Variants in CACNA2D3 observed in about 807,000 individuals in gnomAD.
CACNA2D3 encodes the protein voltage-dependent calcium channel subunit alpha-2/delta-3.
Under a neutral mutation model 160.6 loss-of-function variants are expected in CACNA2D3, and 60 were observed. That is an observed-to-expected ratio of 0.37 (90% CI 0.30 to 0.46). The LOEUF (loss-of-function observed/expected upper bound fraction) is 0.46. CACNA2D3 is among the 20% of genes least tolerant of loss of function. CACNA2D3 has a pLI of 1.00. For synonymous variants in CACNA2D3, 558 were observed against 492.9 expected, an observed-to-expected ratio of 1.13 and a Z score of -1.75; for missense variants, 1,205 against 1,365.0, an observed-to-expected ratio of 0.88 and a Z score of 1.85.
At chr3:54,669,861 C>T (rs1458715626) in intron 11 of CACNA2D3, among the ~76,000 whole-genome samples, 2 of 152,026 alleles carry the variant, frequency 1.3e-5, no homozygotes, top group Non-Finnish European at 2.9e-5. Context: ...TGTTCCCAGG[C>T]TGGTCTTGAA....
At chr3:54,148,473 G>A (rs1170873889) in intron 2 of CACNA2D3, among the ~76,000 whole-genome samples, 3 of 152,204 alleles carry the variant, frequency 2.0e-5, no homozygotes, top group African/African-American at 7.2e-5. Flanking sequence ...CCCACTGGAA[G>A]GCAGCTTGGA....
At chr3:54,937,733 C>G (rs111827646) in intron 27 of CACNA2D3, among the ~76,000 whole-genome samples, 1 of 151,828 alleles carries the variant, frequency 6.6e-6, no homozygotes, top group African/African-American at 2.4e-5. Flanking sequence ...GGGGAAGAGA[C>G]GAGGGCCATT....
At chr3:54,303,954 G>A (rs1216059467) in intron 2 of CACNA2D3, among the ~76,000 whole-genome samples, 1 of 151,796 alleles carries the variant, frequency 6.6e-6, no homozygotes, top group African/African-American at 2.4e-5. Context: ...TCAGCTACTG[G>A]AGGGACACTG....
At chr3:55,045,650 T>G (rs990623881) in intron 35 of CACNA2D3, among the ~76,000 whole-genome samples, 3 of 152,218 alleles carry the variant, frequency 2.0e-5, no homozygotes, top group Non-Finnish European at 2.9e-5. Context: ...ATTTCTTTAG[T>G]TCATCTAAGT....
rs1173029049 is a variant in CACNA2D3, at chr3:54,829,976, CCTCTGCCTCCCAGGTTCAAGCAATT to C, written c.1399-7171_1399-7147del. 7.7e-5 allele frequency among the ~76,000 whole-genome samples: 10 copies of C among 130,242 alleles called. No individual in the cohort carries two copies. In the East Asian group the frequency reaches 1.2e-3, roughly 16 times the overall value. 85.4% of individuals were successfully genotyped at this position (130,242 alleles called of 152,430 possible). A position where few individuals can be genotyped will look rare whatever the true frequency, so the allele number is the denominator to read the frequency against. On this transcript the variant is annotated intron_variant, in intron 14 of 37. Coordinates refer to ENST00000474759, the MANE Select transcript of CACNA2D3 (RefSeq NM_018398.3). ...GTGGCAAGATCTCAGGTCACTGCAA[CCTCTGCCTCCCAGGTTCAAGCAATT>C]CTCTGCCTCCCGGGTTCAAGCAATT...
rs532607646 is a variant in CACNA2D3 at position 54,601,375 on chromosome 3, T to G, written c.963+19498T>G. Among the ~76,000 whole-genome samples the G allele has an allele frequency of 9.2e-5, 14 of 152,204 alleles. 1 individual carries two copies. In the South Asian group the frequency reaches 2.5e-3, roughly 27 times the overall value. ...GGTGTTTGCCACCACTCCAGGGTAA[T>G]TTTTGGATTTTTTATAGAAACGGGG... On this transcript the variant is annotated intron_variant, in intron 9 of 37. Coordinates refer to ENST00000474759, the MANE Select transcript of CACNA2D3 (RefSeq NM_018398.3).
At chr3:54,711,250 C>T (rs1559555675) in intron 11 of CACNA2D3, among the ~76,000 whole-genome samples, 1 of 152,208 alleles carries the variant, frequency 6.6e-6, no homozygotes, top group Non-Finnish European at 1.5e-5. Flanking sequence ...CAGCGCTCCA[C>T]ATTGCCTTAC....
intron 10 of CACNA2D3, among the ~76,000 whole-genome samples, chr3:54,641,015 C>T (rs1037909525): frequency 6.6e-6 from 1 of 151,628 alleles, no homozygotes; most frequent in African/African-American, 2.4e-5. Context: ...TTTGAAATCC[C>T]CCTGTGATCT....
intron 14 of CACNA2D3, among the ~76,000 whole-genome samples, chr3:54,825,217 T>C (rs1317893652): frequency 1.3e-5 from 2 of 152,222 alleles, no homozygotes; most frequent in African/African-American, 4.8e-5. Context: ...GTTGTTTTCA[T>C]CTCAGTTGTT....
At chr3:54,772,417 TA>T (rs1702337423) in intron 13 of CACNA2D3, among the ~76,000 whole-genome samples, 1 of 152,052 alleles carries the variant, frequency 6.6e-6, no homozygotes, top group Non-Finnish European at 1.5e-5. Context: ...AAGTTCAAGA[TA>T]AAAGTTTAGC....
At chr3:54,782,011 C>T (rs1288253913) in intron 13 of CACNA2D3, among the ~76,000 whole-genome samples, 2 of 152,200 alleles carry the variant, frequency 1.3e-5, no homozygotes, top group Admixed American at 6.5e-5. Flanking sequence ...AAAGGCAAGG[C>T]TCCTGCAGCA....
chr3:54,248,839 C>A (rs937277905), intron 2 of CACNA2D3, among the ~76,000 whole-genome samples: 2 of 152,188 alleles, frequency 1.3e-5, no homozygotes, highest in African/African-American at 4.8e-5. Context: ...AGTTGAGGTG[C>A]TTGCTGAAGG....
At chr3:54,342,065 A>G (rs374971619) in intron 3 of CACNA2D3, among the ~76,000 whole-genome samples, 59 of 152,322 alleles carry the variant, frequency 3.9e-4, no homozygotes, top group Admixed American at 8.5e-4. Context: ...TTATTTGCCA[A>G]AGAATACACA....
intron 6 of CACNA2D3, among the ~76,000 whole-genome samples, chr3:54,563,708 G>T (rs1216087058): frequency 6.6e-6 from 1 of 152,188 alleles, no homozygotes; most frequent in East Asian, 1.9e-4. Flanking sequence ...CAACCTAAAA[G>T]AAGGGGGAGA....
chr3:54,317,309 G>A (rs1393006563), intron 2 of CACNA2D3, among the ~76,000 whole-genome samples: 1 of 152,204 alleles, frequency 6.6e-6, no homozygotes, highest in African/African-American at 2.4e-5. Flanking sequence ...CCAAGGTAGG[G>A]GTAGGGAAGG....
In CACNA2D3 at chr3:55,074,107, C is replaced by T. The variant is rs764756965; in HGVS notation, c.3184-7C>T. ...TCCGTCTAACCAACCCCTGCCTTTC[C>T]CCATAGGAGAATGCAAGGGAGTGTG... On this transcript the variant is annotated splice_region_variant and splice_polypyrimidine_tract_variant and intron_variant, in intron 37 of 37. Coordinates refer to ENST00000474759, the MANE Select transcript of CACNA2D3 (RefSeq NM_018398.3). 14 of 1,611,492 alleles carry T rather than the reference C, an allele frequency of 8.7e-6. No individual in the cohort carries two copies. In the Middle Eastern group the frequency reaches 8.2e-4, roughly 95 times the overall value.
intron 30 of CACNA2D3, among the ~76,000 whole-genome samples, chr3:54,986,489 T>C (rs142009193): frequency 6.6e-6 from 1 of 152,290 alleles, no homozygotes; most frequent in Non-Finnish European, 1.5e-5. Context: ...TTTGCAAAAG[T>C]TTCCAAGTTT....
At chr3:54,133,261 A>C (rs1327882634) in intron 2 of CACNA2D3, among the ~76,000 whole-genome samples, 1 of 152,164 alleles carries the variant, frequency 6.6e-6, no homozygotes, top group Non-Finnish European at 1.5e-5. Context: ...CTGAGGTCAG[A>C]TCTATTATCA....
intron 2 of CACNA2D3, among the ~76,000 whole-genome samples, chr3:54,193,685 C>T (rs1238805621): frequency 6.6e-6 from 1 of 152,180 alleles, no homozygotes; most frequent in Non-Finnish European, 1.5e-5. Context: ...TAGGCTGTGC[C>T]AGTCTCAGGA....
Sources: gnomAD v4.1 joint callset for allele counts (sites outside exome capture counted in the v4.1 genomes callset) on GRCh38, gnomAD v4.1.1 for gene constraint, MANE v1.5 for transcripts, NCBI Gene and HGNC (gene_info 2026-07-23, HGNC 2026-07-21) for gene names.